CNTN5: variants seen among roughly 807,000 people sequenced by gnomAD.
CNTN5 encodes contactin 5, also known as contactin-5.
CNTN5 carries 77 observed loss-of-function variants against 129.1 expected under a neutral mutation model. That is an observed-to-expected ratio of 0.60 (90% CI 0.50 to 0.72). The LOEUF is 0.72. CNTN5 is among the 30% of genes least tolerant of loss of function. CNTN5 has a pLI of 0.00. For missense variants in CNTN5, 1,478 were observed against 1,328.8 expected, an observed-to-expected ratio of 1.11 and a Z score of -1.75; for synonymous variants, 509 against 465.6, an observed-to-expected ratio of 1.09 and a Z score of -1.20.
At chr11:99,531,553 A>G (rs1947705638) in intron 2 of CNTN5, among the ~76,000 whole-genome samples, 1 of 152,200 alleles carries the variant, frequency 6.6e-6, no homozygotes, top group African/African-American at 2.4e-5. Flanking sequence ...GAGACTTCAT[A>G]GCAGCGCCTC....
At position 99,781,829 on chromosome 11, in the gene CNTN5, AAAT is replaced by A. The variant is rs372803324; in HGVS notation, c.56-37709_56-37707del. Among the ~76,000 whole-genome samples, 75 of 152,250 alleles carry A rather than the reference AAAT, an allele frequency of 4.9e-4. 2 individuals are homozygous for A. The East Asian group carries it at 0.014, about 28-fold the overall frequency. ...TTAGGGATTGATGGGACGTATCTCA[AAAT>A]AATAAGAGCTATCTATGACAAACGC... On this transcript the variant is annotated intron_variant, in intron 3 of 24. Transcript: ENST00000524871.
At chr11:99,759,289 G>T (rs1944500694) in intron 3 of CNTN5, among the ~76,000 whole-genome samples, 1 of 152,022 alleles carries the variant, frequency 6.6e-6, no homozygotes, top group South Asian at 2.1e-4. Context: ...TTTTTACAAT[G>T]AAATTCAGGT....
intron 6 of CNTN5, among the ~76,000 whole-genome samples, chr11:99,858,408 T>C (rs1591320784): frequency 6.6e-6 from 1 of 152,080 alleles, no homozygotes; most frequent in East Asian, 1.9e-4. Flanking sequence ...AAAAATTGTA[T>C]AATGTCTGGT....
rs547029945 is a variant in CNTN5, at chr11:100,276,866, T to TA, written c.2314+5626dup. 2.0e-4 allele frequency among the ~76,000 whole-genome samples: 30 copies of TA among 152,032 alleles called. No individual in the cohort carries two copies. The East Asian group carries it at 5.4e-3, about 28-fold the overall frequency. On this transcript the variant is annotated intron_variant, in intron 18 of 24. Coordinates refer to ENST00000524871, the MANE Select transcript of CNTN5 (RefSeq NM_014361.4). The stretch of plus-strand genomic sequence containing the variant: ...AAATGTACAATTAATTTTTTTTTTT[T>TA]ACTATAGTCACCCTGTTATGCTAGC...
intron 13 of CNTN5, among the ~76,000 whole-genome samples, chr11:100,086,341 G>A (rs1339303111): frequency 1.3e-5 from 2 of 150,382 alleles, no homozygotes; most frequent in African/African-American, 4.9e-5. Flanking sequence ...TCAACAACGA[G>A]CTAGCAAGAA....
chr11:99,860,344 A>T (rs1046556968), intron 6 of CNTN5, among the ~76,000 whole-genome samples: 1 of 151,750 alleles, frequency 6.6e-6, no homozygotes, highest in African/African-American at 2.4e-5. Context: ...CTTATGTTGC[A>T]TTTGCTTTTG....
chr11:100,039,979 A>G (rs888830209), intron 9 of CNTN5, among the ~76,000 whole-genome samples: 4 of 152,166 alleles, frequency 2.6e-5, no homozygotes, highest in African/African-American at 9.7e-5. Flanking sequence ...CGTCAAAGTC[A>G]TTCTCCATCC....
chr11:99,618,190 T>G (rs1950818966), intron 3 of CNTN5, among the ~76,000 whole-genome samples: 1 of 152,156 alleles, frequency 6.6e-6, no homozygotes, highest in African/African-American at 2.4e-5. Flanking sequence ...TTTACAGGGC[T>G]TCTATTAAGA....
chr11:99,467,313 A>G (rs112035367), intron 2 of CNTN5, among the ~76,000 whole-genome samples: 1,847 of 152,124 alleles, frequency 0.012, 40 homozygotes, highest in African/African-American at 0.042. Context: ...TTTACTATTT[A>G]CTTTATAATT....
intron 1 of CNTN5, among the ~76,000 whole-genome samples, chr11:99,167,611 T>A (rs189517296): frequency 6.6e-6 from 1 of 152,270 alleles, no homozygotes; most frequent in Non-Finnish European, 1.5e-5. Flanking sequence ...TTAGAATTTC[T>A]GTTACTCTCT....
chr11:99,255,248 T>G (rs1862316608), intron 1 of CNTN5, among the ~76,000 whole-genome samples: 1 of 151,804 alleles, frequency 6.6e-6, no homozygotes, highest in Admixed American at 6.6e-5. Context: ...TTAAAATATA[T>G]CCAGAAAATG....
intron 3 of CNTN5, among the ~76,000 whole-genome samples, chr11:99,677,665 T>C (rs1473969187): frequency 6.6e-6 from 1 of 152,118 alleles, no homozygotes; most frequent in East Asian, 1.9e-4. Flanking sequence ...AGATTACATT[T>C]CTTAAAAATA....
intron 3 of CNTN5, among the ~76,000 whole-genome samples, chr11:99,735,290 T>C (rs907585295): frequency 9.2e-5 from 14 of 152,202 alleles, no homozygotes; most frequent in African/African-American, 3.1e-4. Context: ...ATGTCCCAGT[T>C]CCTCCAGTTG....
At chr11:99,785,205 T>G (rs1199594102) in intron 3 of CNTN5, among the ~76,000 whole-genome samples, 2 of 152,180 alleles carry the variant, frequency 1.3e-5, no homozygotes, top group Non-Finnish European at 2.9e-5. Flanking sequence ...AAATGTCTTC[T>G]TTTGAGAAAT....
intron 1 of CNTN5, among the ~76,000 whole-genome samples, chr11:99,244,167 T>C (rs187182648): frequency 6.8e-4 from 104 of 152,294 alleles, no homozygotes; most frequent in African/African-American, 2.3e-3. Context: ...GTACTCGTCG[T>C]AGAGATCTTT....
At chr11:99,329,649 A>T (rs1865922820) in intron 2 of CNTN5, among the ~76,000 whole-genome samples, 1 of 152,160 alleles carries the variant, frequency 6.6e-6, no homozygotes, top group Non-Finnish European at 1.5e-5. Flanking sequence ...AACTAGATAC[A>T]GACTTCTGCT....
chr11:100,057,368 A>G (rs1011724648), intron 9 of CNTN5, among the ~76,000 whole-genome samples: 3 of 151,336 alleles, frequency 2.0e-5, no homozygotes, highest in South Asian at 2.1e-4. Context: ...AATAAAATAG[A>G]CAAACTTCTG....
Position 99,931,249 on chromosome 11 carries a change from C to G in CNTN5, c.673+15100C>G, listed in dbSNP as rs1591439582. 3.9e-5 allele frequency among the ~76,000 whole-genome samples: 6 copies of G among 152,108 alleles called. No homozygotes were observed. In the South Asian group the frequency reaches 1.2e-3, roughly 32 times the overall value. ...CCTGTACTTAATTGTAATATATTTTCCAGATATCACTAGAAAGGAAAACTC... is the reference window on the plus strand; with the variant it reads ...CCTGTACTTAATTGTAATATATTTTGCAGATATCACTAGAAAGGAAAACTC... On this transcript the variant is annotated intron_variant, in intron 7 of 24. Transcript: ENST00000524871.
chr11:100,009,505 C>T (rs1940397651), intron 9 of CNTN5, among the ~76,000 whole-genome samples: 1 of 151,892 alleles, frequency 6.6e-6, no homozygotes, highest in Non-Finnish European at 1.5e-5. Flanking sequence ...CTGGTTTAGA[C>T]ATATGGAAGG....
Sources: allele counts gnomAD v4.1 joint callset (sites outside exome capture counted in the v4.1 genomes callset), GRCh38; gene constraint gnomAD v4.1.1; transcripts MANE v1.5; gene names NCBI Gene and HGNC (gene_info 2026-07-23, HGNC 2026-07-21).